The following PCDH9 variants were observed in gnomAD, a reference collection of about 807,000 sequenced individuals.
PCDH9 encodes the protein protocadherin-9.
In PCDH9, 24 loss-of-function variants were observed where a neutral mutation model predicts 70.6. The ratio of observed to expected loss-of-function variants is 0.34; its 90% CI spans 0.25 to 0.48. The LOEUF is 0.48. Ranked by LOEUF, PCDH9 falls within the 20% of genes least tolerant of loss-of-function variation. The pLI is 0.99. For missense variants in PCDH9, 1,281 were observed against 1,503.6 expected (o/e 0.85, Z 2.45); for synonymous variants, 562 against 558.5 (o/e 1.01, Z -0.09).
chr13:66,620,838 C>T (rs1433874578), intron 4 of PCDH9, among the ~76,000 whole-genome samples: 1 of 152,110 alleles, frequency 6.6e-6, no homozygotes, highest in Non-Finnish European at 1.5e-5. Flanking sequence ...CCAAGTAACA[C>T]AGACTAAGAA....
intron 3 of PCDH9, among the ~76,000 whole-genome samples, chr13:66,876,467 A>G (rs1227546360): frequency 6.6e-6 from 1 of 152,180 alleles, no homozygotes; most frequent in Non-Finnish European, 1.5e-5. Flanking sequence ...AAATTAAAAT[A>G]CATATCTCTG....
intron 4 of PCDH9, among the ~76,000 whole-genome samples, chr13:66,601,978 C>T (rs1016147697): frequency 3.4e-5 from 5 of 145,574 alleles, no homozygotes; most frequent in African/African-American, 9.9e-5. Flanking sequence ...ATATTTTACT[C>T]TTTCTTTTAG....
chr13:66,491,543 G>C (rs1959034790), intron 4 of PCDH9, among the ~76,000 whole-genome samples: 1 of 152,092 alleles, frequency 6.6e-6, no homozygotes. Context: ...TACAACACTT[G>C]AAAAGCTGAT....
In PCDH9 at chr13:67,228,461, T is replaced by C. The variant is rs766146327; in HGVS notation, c.-21A>G. On this transcript the variant is annotated 5_prime_UTR_variant, in exon 2 of 5. Coordinates refer to ENST00000377865, the MANE Select transcript of PCDH9 (RefSeq NM_203487.3). The stretch of plus-strand genomic sequence containing the variant: ...TCCATGATAATGTATTTATTTTCTT[T>C]TCCTGGATTTTAGGGTTTAAAGGTT... The C allele has an allele frequency of 6.5e-7, 1 of 1,529,334 alleles. No individual in the cohort carries two copies. Among genetic ancestry groups the C allele is most frequent in the African/African-American group, 1.4e-5 (1 of 71,920 alleles). 94.7% of individuals were successfully genotyped at this position (1,529,334 alleles called of 1,614,324 possible).
chr13:66,849,382 C>T (rs1408691042), intron 3 of PCDH9, among the ~76,000 whole-genome samples: 2 of 150,822 alleles, frequency 1.3e-5, no homozygotes, highest in Non-Finnish European at 3.0e-5. Context: ...CTATGGGATC[C>T]CATGTGATAA....
chr13:67,055,018 T>C (rs988771015), intron 2 of PCDH9, among the ~76,000 whole-genome samples: 1 of 152,226 alleles, frequency 6.6e-6, no homozygotes, highest in African/African-American at 2.4e-5. Flanking sequence ...AAATTCTTCC[T>C]AAAATTCCTG....
At chr13:66,978,536 C>T (rs1486461360) in intron 2 of PCDH9, 2 of 151,482 alleles carry the variant, frequency 1.3e-5, no homozygotes, top group African/African-American at 4.8e-5. Flanking sequence ...CACATATGCT[C>T]CTATTTTAGT....
intron 3 of PCDH9, among the ~76,000 whole-genome samples, chr13:66,638,013 G>A (rs1005701612): frequency 6.6e-6 from 1 of 152,006 alleles, no homozygotes; most frequent in African/African-American, 2.4e-5. Flanking sequence ...GTTTCAATGA[G>A]AGAACCAAAC....
At chr13:66,711,775 T>A (rs925240529) in intron 3 of PCDH9, among the ~76,000 whole-genome samples, 2 of 152,186 alleles carry the variant, frequency 1.3e-5, no homozygotes, top group Non-Finnish European at 2.9e-5. Flanking sequence ...AGCCATGAGC[T>A]CTTTGGAGTC....
intron 4 of PCDH9, among the ~76,000 whole-genome samples, chr13:66,374,408 GA>G (rs1956713550): frequency 6.6e-6 from 1 of 151,980 alleles, no homozygotes; most frequent in African/African-American, 2.4e-5. Context: ...AATACTTTTA[GA>G]AATTTGATTA....
intron 3 of PCDH9, among the ~76,000 whole-genome samples, chr13:66,710,818 A>C (rs7329829): frequency 1 from 152,097 of 152,134 alleles, 76,030 homozygotes; most frequent in Non-Finnish European, 1. Context: ...TCTTTCCCTC[A>C]ACATTCAAAT....
At chr13:67,134,993 C>G (rs2087200376) in intron 2 of PCDH9, among the ~76,000 whole-genome samples, 1 of 152,030 alleles carries the variant, frequency 6.6e-6, no homozygotes, top group South Asian at 2.1e-4. Context: ...TTTCCAGTCC[C>G]TTGTATAATA....
At chr13:66,743,439 A>G (rs1339956208) in intron 3 of PCDH9, among the ~76,000 whole-genome samples, 1 of 149,696 alleles carries the variant, frequency 6.7e-6, no homozygotes, top group African/African-American at 2.5e-5. Context: ...GCACATGTAT[A>G]CATATGTAAC....
intron 3 of PCDH9, among the ~76,000 whole-genome samples, chr13:66,639,685 GA>G (rs1481613736): frequency 6.6e-6 from 1 of 152,232 alleles, no homozygotes; most frequent in East Asian, 1.9e-4. Context: ...AGAGAAAAAA[GA>G]AAGTTCTGAA....
intron 4 of PCDH9, among the ~76,000 whole-genome samples, chr13:66,516,465 T>TA (rs961569701): frequency 2.0e-5 from 3 of 151,934 alleles, no homozygotes; most frequent in Non-Finnish European, 2.9e-5. Context: ...TAATTAAATC[T>TA]AAAAAAAATT....
intron 2 of PCDH9, among the ~76,000 whole-genome samples, chr13:67,156,258 A>T (rs1226667453): frequency 1.3e-5 from 2 of 152,174 alleles, no homozygotes; most frequent in Non-Finnish European, 2.9e-5. Flanking sequence ...AAAGACCGAA[A>T]CGACTGGACG....
At chr13:66,447,825 A>T (rs1456858301) in intron 4 of PCDH9, among the ~76,000 whole-genome samples, 1 of 152,166 alleles carries the variant, frequency 6.6e-6, no homozygotes, top group African/African-American at 2.4e-5. Context: ...ACATAATTAG[A>T]TTATTATCTT....
At chr13:66,431,125 C>T (rs1053626376) in intron 4 of PCDH9, among the ~76,000 whole-genome samples, 2 of 151,998 alleles carry the variant, frequency 1.3e-5, no homozygotes, top group Non-Finnish European at 1.5e-5. Context: ...GAGTAATTTT[C>T]TATTCAGTGC....
At position 66,751,068 on chromosome 13, in the gene PCDH9, A is replaced by G. The variant is rs1199072176; in HGVS notation, c.3139-119657T>C. On this transcript the variant is annotated intron_variant, in intron 3 of 4. Coordinates refer to ENST00000377865, the MANE Select transcript of PCDH9 (RefSeq NM_203487.3). ...CTTCGACATTCTCATGCTTTTACTT[A>G]ATCTCTTTATTAAGTTCTCCCCTTT... Among the ~76,000 whole-genome samples, 4 of 152,210 alleles carry G rather than the reference A, an allele frequency of 2.6e-5. No individual in the cohort carries two copies. The South Asian group carries it at 8.3e-4, about 32-fold the overall frequency.
Sources: gnomAD v4.1 joint callset for allele counts (sites outside exome capture counted in the v4.1 genomes callset) on GRCh38, gnomAD v4.1.1 for gene constraint, MANE v1.5 for transcripts, NCBI Gene and HGNC (gene_info 2026-07-23, HGNC 2026-07-21) for gene names.